The following GFRA3 variants were observed in gnomAD, a reference collection of about 807,000 sequenced individuals.
GFRA3 encodes the protein GDNF family receptor alpha-3.
A neutral mutation model predicts 40.0 loss-of-function variants in GFRA3; 24 were observed. That is an observed-to-expected ratio of 0.60 (90% CI 0.43 to 0.84). The LOEUF is 0.84. GFRA3 is among the 40% of genes least tolerant of loss of function. GFRA3 has a pLI of 0.00. For synonymous variants in GFRA3, 203 were observed against 213.5 expected (o/e 0.95, Z 0.43); for missense variants, 405 against 530.6 (o/e 0.76, Z 2.33).
intron 2 of GFRA3, among the ~76,000 whole-genome samples, chr5:138,259,944 G>C (rs1409841586): frequency 6.6e-6 from 1 of 152,070 alleles, no homozygotes; most frequent in Non-Finnish European, 1.5e-5. Flanking sequence ...TCGCACTTAC[G>C]CGATGGTGCT....
chr5:138,274,313 G>T, intron 1 of GFRA3, 21 bp downstream of exon 1: 1 of 1,318,344 alleles, frequency 7.6e-7, no homozygotes. Flanking sequence ...ACCCCCGGCC[G>T]GTGCGCGCTC....
chr5:138,264,490 C>T lies in GFRA3; in HGVS notation c.150G>A (p.Lys50=), dbSNP rs568741748. 16 of 1,613,252 alleles carry T rather than the reference C, an allele frequency of 9.9e-6. No homozygotes were observed. Among genetic ancestry groups the T allele is most frequent in the South Asian group, 1.1e-5 (1 of 90,996 alleles). The stretch of plus-strand genomic sequence containing the variant: ...CACTGCAGGTGGGATCAGCCTGGCA[C>T]TTCCTCCTGGCCTGGAGACAGCTGT... ...LMNSCLQARR[K]CQADPTCSAA... The change falls in exon 2 of 8, where the codon AAG becomes AAA. Residue 50 remains lysine, a synonymous_variant. Transcript: ENST00000274721.
chr5:138,269,312 G>T (rs1755832249), intron 1 of GFRA3, among the ~76,000 whole-genome samples: 1 of 151,980 alleles, frequency 6.6e-6, no homozygotes, highest in Non-Finnish European at 1.5e-5. Context: ...GAGGTGGGCA[G>T]ATCACCTGAG....
intron 4 of GFRA3, among the ~76,000 whole-genome samples, chr5:138,254,989 GAGAGA>G (rs913300855): frequency 7.4e-5 from 11 of 149,628 alleles, no homozygotes; most frequent in East Asian, 2.0e-4. Context: ...AAGGAGAAAA[GAGAGA>G]AGAGAAGAGA....
intron 3 of GFRA3, among the ~76,000 whole-genome samples, chr5:138,259,263 T>C (rs975439568): frequency 3.3e-5 from 5 of 152,248 alleles, no homozygotes; most frequent in Non-Finnish European, 7.3e-5. Flanking sequence ...CAATTTTTCC[T>C]GGGGCTGCTG....
In GFRA3 at chr5:138,271,913, TTGTG is replaced by T. The variant is rs1554111238; in HGVS notation, c.91+2417_91+2420del. ...TTCTGTTTTTTTTTTTTTTTTTTTTTTGTGTGTGTGTGTGTGTGTGTGTGTGTGT... is the reference window on the plus strand; with the variant it reads ...TTCTGTTTTTTTTTTTTTTTTTTTTTTGTGTGTGTGTGTGTGTGTGTGTGT... On this transcript the variant is annotated intron_variant, in intron 1 of 7. Coordinates refer to ENST00000274721, the MANE Select transcript of GFRA3 (RefSeq NM_001496.4). 6.8e-3 allele frequency among the ~76,000 whole-genome samples: 368 copies of T among 54,078 alleles called. 3 individuals carry two copies. Among genetic ancestry groups the T allele is most frequent in the Middle Eastern group, 0.017 (1 of 60 alleles). 35.5% of individuals were successfully genotyped at this position (54,078 alleles called of 152,430 possible). A position where few individuals can be genotyped will look rare whatever the true frequency, so the allele number is the denominator to read the frequency against.
chr5:138,269,514 G>T lies in GFRA3; in HGVS notation c.91+4820C>A, dbSNP rs188607566. Reference sequence around the variant, plus strand: ...TCAAGCCATTGCACTGAAGCCTGGGGCACAAGAGCGAAACTCTGTCTGAAA... The same window carrying T: ...TCAAGCCATTGCACTGAAGCCTGGGTCACAAGAGCGAAACTCTGTCTGAAA... On this transcript the variant is annotated intron_variant, in intron 1 of 7. Coordinates refer to ENST00000274721, the MANE Select transcript of GFRA3 (RefSeq NM_001496.4). Among the ~76,000 whole-genome samples the T allele has an allele frequency of 1.9e-4, 28 of 149,508 alleles. No homozygotes were observed. The East Asian group carries it at 5.1e-3, about 27-fold the overall frequency.
chr5:138,266,344 A>G (rs555908608), intron 1 of GFRA3, among the ~76,000 whole-genome samples: 1 of 152,282 alleles, frequency 6.6e-6, no homozygotes, highest in South Asian at 2.1e-4. Context: ...GTTATTTTCC[A>G]TTAAAAAAAA....
In GFRA3 at chr5:138,274,590, G is replaced by A; in HGVS notation, c.-166C>T. ...GCGCCGCCCTCCAACTCCGAAGCGC[G>A]CGTCCACACCACGCGCCTCCAGCGC... is the stretch of plus-strand genomic sequence containing the variant. On this transcript the variant is annotated 5_prime_UTR_variant, in exon 1 of 8. Coordinates refer to ENST00000274721, the MANE Select transcript of GFRA3 (RefSeq NM_001496.4). 1.6e-6 allele frequency: 2 copies of A among 1,225,878 alleles called. No individual in the cohort carries two copies. Among genetic ancestry groups the A allele is most frequent in the South Asian group, 4.2e-5 (1 of 23,536 alleles). 75.9% of individuals were successfully genotyped at this position (1,225,878 alleles called of 1,614,324 possible).
rs142314836 is a variant in GFRA3 at position 138,253,038 on chromosome 5, C to T, written c.1133G>A (p.Arg378Lys). ...MAHQNENPAVRPQPWVPSLFS... is the reference protein window; with the variant it reads ...MAHQNENPAVKPQPWVPSLFS... ...AAGAGAGGGCACCCAGGGCTGTGGC[C>T]TCACAGCAGGGTTTTCATTCTGTGG... Residue 378 changes from arginine to lysine, a missense_variant, in exon 8 of 8, where the codon AGG (arginine) becomes AAG (lysine). Transcript: ENST00000274721. 49 of 1,598,502 alleles carry T rather than the reference C, an allele frequency of 3.1e-5. No individual in the cohort carries two copies. The African/African-American group carries it at 5.8e-4, about 19-fold the overall frequency.
At chr5:138,255,933 A>AG (rs1396487997) in intron 4 of GFRA3, among the ~76,000 whole-genome samples, 1 of 151,376 alleles carries the variant, frequency 6.6e-6, no homozygotes, top group Non-Finnish European at 1.5e-5. Context: ...AAGAAGAAGA[A>AG]AAAAACCAAT....
At chr5:138,269,549 AC>A (rs1323671709) in intron 1 of GFRA3, among the ~76,000 whole-genome samples, 3 of 150,462 alleles carry the variant, frequency 2.0e-5, no homozygotes, top group African/African-American at 4.9e-5. Flanking sequence ...AAAAAAAAAA[AC>A]AAAAAACAAC....
intron 2 of GFRA3, among the ~76,000 whole-genome samples, chr5:138,263,182 G>GTCT (rs2126616147): frequency 6.6e-6 from 1 of 152,112 alleles, no homozygotes; most frequent in South Asian, 2.1e-4. Context: ...GGCCAGGCTG[G>GTCT]TCTTGAACTC....
chr5:138,261,121 G>A (rs1755703943), intron 2 of GFRA3, among the ~76,000 whole-genome samples: 1 of 152,202 alleles, frequency 6.6e-6, no homozygotes, highest in South Asian at 2.1e-4. Flanking sequence ...TGGGCAATGG[G>A]TGGTAAGGAA....
intron 2 of GFRA3, among the ~76,000 whole-genome samples, chr5:138,262,635 G>T (rs1330338035): frequency 6.6e-6 from 1 of 151,938 alleles, no homozygotes; most frequent in African/African-American, 2.4e-5. Flanking sequence ...TTATTTTTTT[G>T]TAGTGATGGG....
intron 2 of GFRA3, among the ~76,000 whole-genome samples, chr5:138,262,346 T>C (rs1457561580): frequency 1.3e-5 from 2 of 152,164 alleles, no homozygotes; most frequent in African/African-American, 2.4e-5. Context: ...AACAGGGCCT[T>C]ATTAAAGAAC....
intron 1 of GFRA3, among the ~76,000 whole-genome samples, chr5:138,269,926 C>G (rs1409824762): frequency 6.6e-6 from 1 of 151,472 alleles, no homozygotes; most frequent in Non-Finnish European, 1.5e-5. Flanking sequence ...GAAAAGAAGT[C>G]ATTATACCAA....
chr5:138,263,084 C>A (rs1366628064), intron 2 of GFRA3, among the ~76,000 whole-genome samples: 4 of 152,158 alleles, frequency 2.6e-5, no homozygotes, highest in African/African-American at 9.7e-5. Flanking sequence ...CCTGCCTCAG[C>A]TTCCCAAGTA....
chr5:138,261,518 A>AC lies in GFRA3; in HGVS notation c.380-1870dup, dbSNP rs555091507. ...AGACCAGCCTGACCAACATGGTGAA[A>AC]CCCCCTCTCTACTAAAAATACAAAA... On this transcript the variant is annotated intron_variant, in intron 2 of 7. Coordinates refer to ENST00000274721, the MANE Select transcript of GFRA3 (RefSeq NM_001496.4). 3.3e-5 allele frequency among the ~76,000 whole-genome samples: 5 copies of AC among 151,808 alleles called. No homozygotes were observed. The South Asian group carries it at 1.0e-3, about 32-fold the overall frequency.
Sources: allele counts gnomAD v4.1 joint callset (sites outside exome capture counted in the v4.1 genomes callset), GRCh38; gene constraint gnomAD v4.1.1; transcripts MANE v1.5; gene names NCBI Gene and HGNC (gene_info 2026-07-23, HGNC 2026-07-21).